ZC2HC1B: variants seen among roughly 807,000 people sequenced by gnomAD.
ZC2HC1B encodes the protein zinc finger C2HC domain-containing protein 1B.
Under a neutral mutation model 31.0 loss-of-function variants are expected in ZC2HC1B, and 36 were observed. The ratio of observed to expected loss-of-function variants is 1.16; its 90% CI spans 0.89 to 1.54. The LOEUF is 1.54. Among genes scored for constraint, ZC2HC1B ranks in the 40% most tolerant of loss-of-function variants. The probability of loss-of-function intolerance (pLI) is 0.00; values close to 1 mark genes in which losing one functional copy is unlikely to be tolerated. For missense variants in ZC2HC1B, 260 were observed against 268.6 expected (o/e 0.97, Z 0.22); for synonymous variants, 73 against 88.0 (o/e 0.83, Z 0.95).
rs1383815610 is a variant in ZC2HC1B at position 143,884,554 on chromosome 6, C to T, written c.90+189C>T. On this transcript the variant is annotated intron_variant, in intron 2 of 7. Transcript: ENST00000237275. The surrounding 1 kb of genome is among the most constrained non-coding windows in gnomAD (Gnocchi z 5.1). ...AGATTGATGCTGCCTCATTCAAGAGCGACCCTATTAAACATGGTCCTCCTG... is the reference window on the plus strand; with the variant it reads ...AGATTGATGCTGCCTCATTCAAGAGTGACCCTATTAAACATGGTCCTCCTG... 6.6e-6 allele frequency among the ~76,000 whole-genome samples: 1 copy of T among 152,136 alleles called. No homozygotes were observed. The highest frequency in any genetic ancestry group is 2.4e-5 in the African/African-American group (1 of 41,446).
At chr6:143,919,636 G>C (rs1213903849) in intron 6 of ZC2HC1B, among the ~76,000 whole-genome samples, 1 of 152,064 alleles carries the variant, frequency 6.6e-6, no homozygotes, top group African/African-American at 2.4e-5. Flanking sequence ...TTCTTATTTG[G>C]GTTCTTATTT....
Position 143,895,400 on chromosome 6 carries a change from T to C in ZC2HC1B, c.350-3152T>C, listed in dbSNP as rs1777654151. 6.6e-6 allele frequency among the ~76,000 whole-genome samples: 1 copy of C among 152,108 alleles called. No individual in the cohort carries two copies. The highest frequency in any genetic ancestry group is 2.4e-5 in the African/African-American group (1 of 41,406). On this transcript the variant is annotated intron_variant, in intron 4 of 7. Transcript: ENST00000237275. This position sits in a 1 kb window ranked among gnomAD's most constrained non-coding sequence, Gnocchi z 4.8. Reference sequence around the variant, plus strand: ...CTGATCTTGAACTCCTGACCTCAGGTAATGCACATGCCTCGGCCTCCCAAA... The same window carrying C: ...CTGATCTTGAACTCCTGACCTCAGGCAATGCACATGCCTCGGCCTCCCAAA...
intron 4 of ZC2HC1B, among the ~76,000 whole-genome samples, chr6:143,891,632 G>T (rs943353467): frequency 6.6e-6 from 1 of 150,834 alleles, no homozygotes; most frequent in Admixed American, 6.6e-5. Context: ...GGCAGAGGTT[G>T]CAGTGAGCAG....
intron 6 of ZC2HC1B, among the ~76,000 whole-genome samples, chr6:143,910,535 TTGA>T (rs1299783142): frequency 6.6e-6 from 1 of 152,226 alleles, no homozygotes; most frequent in Non-Finnish European, 1.5e-5. Context: ...ATTTTCTGTC[TTGA>T]TGATCTGTCT....
rs543701741 is a variant in ZC2HC1B, at chr6:143,865,517, C to T, written c.28+950C>T. 8.6e-4 allele frequency among the ~76,000 whole-genome samples: 131 copies of T among 152,314 alleles called. No homozygotes were observed. The highest frequency in any genetic ancestry group is 3.0e-3 in the African/African-American group (123 of 41,562). On this transcript the variant is annotated intron_variant, in intron 1 of 7. Coordinates refer to ENST00000237275, the MANE Select transcript of ZC2HC1B (RefSeq NM_001013623.3). This position sits in a 1 kb window ranked among gnomAD's most constrained non-coding sequence, Gnocchi z 4.4. ...CTCCCCTGCATCCTTGACCCTCCTT[C>T]CCTGGTTTATGTTCTCCACAACATC...
At position 143,869,379 on chromosome 6, in the gene ZC2HC1B, C is replaced by T. The variant is rs922972297; in HGVS notation, c.28+4812C>T. 5.3e-5 allele frequency among the ~76,000 whole-genome samples: 8 copies of T among 152,194 alleles called. No homozygotes were observed. The highest frequency in any genetic ancestry group is 5.9e-5 in the Non-Finnish European group (4 of 68,042). On this transcript the variant is annotated intron_variant, in intron 1 of 7. Transcript: ENST00000237275. This position sits in a 1 kb window ranked among gnomAD's most constrained non-coding sequence, Gnocchi z 5.2. ...TTGTGACTTCAAAAGGCCATCCCACCGTTATATCAATCCAACTGCTTCAGG... is the reference window on the plus strand; with the variant it reads ...TTGTGACTTCAAAAGGCCATCCCACTGTTATATCAATCCAACTGCTTCAGG...
At chr6:143,930,777 A>G (rs1778110350) in intron 6 of ZC2HC1B, among the ~76,000 whole-genome samples, 1 of 152,176 alleles carries the variant, frequency 6.6e-6, no homozygotes, top group African/African-American at 2.4e-5. Flanking sequence ...ACTGAGGCTT[A>G]TTTTGTTGCA....
intron 4 of ZC2HC1B, among the ~76,000 whole-genome samples, chr6:143,889,968 C>A (rs1241305434): frequency 2.0e-5 from 3 of 152,036 alleles, no homozygotes; most frequent in African/African-American, 7.2e-5. Context: ...GTTCTCTGAT[C>A]AGAATAGAAT....
chr6:143,926,828 CTTTTTTTTTTTTTTTT>C lies in ZC2HC1B; in HGVS notation c.599-10810_599-10795del, dbSNP rs774028763. 1.0e-4 allele frequency among the ~76,000 whole-genome samples: 8 copies of C among 78,834 alleles called. No homozygotes were observed. In the Admixed American group the frequency reaches 1.0e-3, roughly 10 times the overall value. 51.7% of individuals were successfully genotyped at this position (78,834 alleles called of 152,430 possible). ...TCATATATATTTAGAATTGTATCTT[CTTTTTTTTTTTTTTTT>C]TTTTTTTTTTGAGACGGAGTCTCGC... On this transcript the variant is annotated intron_variant, in intron 6 of 7. Coordinates refer to ENST00000237275, the MANE Select transcript of ZC2HC1B (RefSeq NM_001013623.3).
intron 6 of ZC2HC1B, among the ~76,000 whole-genome samples, chr6:143,935,768 C>T (rs988460480): frequency 1.4e-5 from 2 of 147,610 alleles, no homozygotes; most frequent in African/African-American, 2.5e-5. Flanking sequence ...GACCCTCTCA[C>T]CTCAGCCTCC....
chr6:143,894,372 G>A (rs1398144975), intron 4 of ZC2HC1B, among the ~76,000 whole-genome samples: 2 of 152,278 alleles, frequency 1.3e-5, no homozygotes, highest in African/African-American at 2.4e-5. Context: ...TTGGGGTGAC[G>A]AAAATGTTCT....
Position 143,903,700 on chromosome 6 carries a change from G to A in ZC2HC1B, c.598+548G>A, listed in dbSNP as rs961211853. On this transcript the variant is annotated intron_variant, in intron 6 of 7. Coordinates refer to ENST00000237275, the MANE Select transcript of ZC2HC1B (RefSeq NM_001013623.3). The surrounding 1 kb of genome is among the most constrained non-coding windows in gnomAD (Gnocchi z 4.3). The stretch of plus-strand genomic sequence containing the variant: ...AGGGGATTGGTCCCAGGGCCCTAGT[G>A]GGTACCAAAACCTGAGATGTTGAAG... Among the ~76,000 whole-genome samples the A allele has an allele frequency of 2.0e-5, 3 of 152,250 alleles. No individual in the cohort carries two copies. Among genetic ancestry groups the A allele is most frequent in the Admixed American group, 2.0e-4 (3 of 15,292 alleles).
intron 6 of ZC2HC1B, among the ~76,000 whole-genome samples, chr6:143,926,828 CTTTTTTTTTT>C (rs774028763): frequency 1.5e-4 from 12 of 78,822 alleles, no homozygotes; most frequent in African/African-American, 5.2e-4. Flanking sequence ...ATTGTATCTT[CTTTTTTTTTT>C]TTTTTTTTTT....
At chr6:143,890,959 C>T (rs1280872170) in intron 4 of ZC2HC1B, among the ~76,000 whole-genome samples, 1 of 151,456 alleles carries the variant, frequency 6.6e-6, no homozygotes, top group Non-Finnish European at 1.5e-5. Context: ...GAAACCCCGT[C>T]TCTACTAAAA....
At position 143,908,033 on chromosome 6, in the gene ZC2HC1B, G is replaced by A. The variant is rs919220052; in HGVS notation, c.598+4881G>A. ...ATCCCAGCACCATTTATTAAATAAA[G>A]AATTCTTTCCCCATTGCTTGTTTTT... On this transcript the variant is annotated intron_variant, in intron 6 of 7. Transcript: ENST00000237275. The surrounding 1 kb of genome is among the most constrained non-coding windows in gnomAD (Gnocchi z 4.4). Among the ~76,000 whole-genome samples the A allele has an allele frequency of 6.6e-6, 1 of 152,202 alleles. No individual in the cohort carries two copies. Among genetic ancestry groups the A allele is most frequent in the Non-Finnish European group, 1.5e-5 (1 of 68,022 alleles).
intron 1 of ZC2HC1B, among the ~76,000 whole-genome samples, chr6:143,881,514 G>C (rs959904318): frequency 1.1e-4 from 14 of 123,088 alleles, no homozygotes; most frequent in Non-Finnish European, 4.7e-5. Context: ...TCATCCCACT[G>C]TACCCTAGCC....
intron 5 of ZC2HC1B, among the ~76,000 whole-genome samples, chr6:143,901,825 A>G (rs928605112): frequency 1.3e-5 from 2 of 152,012 alleles, no homozygotes; most frequent in East Asian, 1.9e-4. Flanking sequence ...GAATATGACT[A>G]CTTTGGGCTT....
At chr6:143,926,991 G>T (rs1778060738) in intron 6 of ZC2HC1B, among the ~76,000 whole-genome samples, 4 of 128,598 alleles carry the variant, frequency 3.1e-5, no homozygotes, top group Admixed American at 3.0e-4. Context: ...GTAGAGACGG[G>T]GTTTCACCTT....
At chr6:143,873,853 A>T (rs1777375134) in intron 1 of ZC2HC1B, among the ~76,000 whole-genome samples, 1 of 152,198 alleles carries the variant, frequency 6.6e-6, no homozygotes, top group Admixed American at 6.5e-5. Flanking sequence ...GGCTGCTGTG[A>T]AGGTCTCTGA....
Sources: gnomAD v4.1 joint callset for allele counts (sites outside exome capture counted in the v4.1 genomes callset) on GRCh38, gnomAD v4.1.1 for gene constraint, Gnocchi (gnomAD v3.1) non-coding constraint, MANE v1.5 for transcripts, NCBI Gene and HGNC (gene_info 2026-07-23, HGNC 2026-07-21) for gene names.